The following CHN1 variants were observed in gnomAD, a reference collection of about 807,000 sequenced individuals.
The protein encoded by CHN1 is chimerin 1.
CHN1 carries 37 observed loss-of-function variants against 59.5 expected under a neutral mutation model. The observed-to-expected ratio is 0.62, with a 90% confidence interval of 0.48 to 0.82. The LOEUF (loss-of-function observed/expected upper bound fraction) is 0.82, where lower values mean the gene tolerates loss of function less well. Ranked by LOEUF, CHN1 falls within the 40% of genes least tolerant of loss-of-function variation. CHN1 has a pLI of 0.00. For missense variants in CHN1, 469 were observed against 571.0 expected (o/e 0.82, Z 1.82); for synonymous variants, 206 against 200.4 (o/e 1.03, Z -0.24).
intron 3 of CHN1, among the ~76,000 whole-genome samples, chr2:174,926,366 T>C (rs1409137434): frequency 2.0e-5 from 3 of 152,032 alleles, no homozygotes; most frequent in African/African-American, 7.2e-5. Context: ...CACATCAAGC[T>C]GATGATTTTT....
chr2:174,870,301 T>C (rs6433507), intron 6 of CHN1, among the ~76,000 whole-genome samples: 4,490 of 152,248 alleles, frequency 0.029, 244 homozygotes, highest in African/African-American at 0.1. Context: ...CAATATAATG[T>C]CTACGTTTAA....
intron 1 of CHN1, among the ~76,000 whole-genome samples, chr2:174,952,443 C>A (rs891811369): frequency 1.3e-5 from 2 of 151,984 alleles, no homozygotes; most frequent in Non-Finnish European, 2.9e-5. Flanking sequence ...ATAAAAACAT[C>A]AAGGTTAACT....
intron 5 of CHN1, among the ~76,000 whole-genome samples, chr2:174,907,109 G>A (rs1688565613): frequency 2.0e-5 from 3 of 152,178 alleles, no homozygotes; most frequent in South Asian, 2.1e-4. Context: ...CAGACAACAC[G>A]GGAAGACATT....
chr2:174,837,639 T>A (rs1260317013), intron 7 of CHN1, among the ~76,000 whole-genome samples: 2 of 152,164 alleles, frequency 1.3e-5, no homozygotes, highest in Non-Finnish European at 2.9e-5. Flanking sequence ...CCTTTATAGT[T>A]TTCCTATTTT....
rs114761979 is a variant in CHN1 at position 174,971,381 on chromosome 2, T to C, written c.20-19179A>G. Among the ~76,000 whole-genome samples, 568 of 152,362 alleles carry C rather than the reference T, an allele frequency of 3.7e-3. 4 individuals are homozygous for C. Among genetic ancestry groups the C allele is most frequent in the African/African-American group, 0.013 (544 of 41,580 alleles). On this transcript the variant is annotated intron_variant, in intron 1 of 12. Coordinates refer to ENST00000409900, the MANE Select transcript of CHN1 (RefSeq NM_001822.7). ...TGTTAACATGTAAGGAGTTTATTTT[T>C]TAATTGATAATTTTTAAAAACTTCT...
chr2:174,989,814 T>C (rs1691477213), intron 1 of CHN1, among the ~76,000 whole-genome samples: 1 of 152,058 alleles, frequency 6.6e-6, no homozygotes, highest in Non-Finnish European at 1.5e-5. Context: ...GTTGCATGTT[T>C]ATCTTAAATG....
Position 175,005,154 on chromosome 2 carries a change from C to A in CHN1, c.-242G>T. 2.3e-6 allele frequency: 3 copies of A among 1,287,098 alleles called. No individual in the cohort carries two copies. Among genetic ancestry groups the A allele is most frequent in the Middle Eastern group, 3.0e-4 (1 of 3,294 alleles). The allele number at this position is 1,287,098 out of a possible 1,614,324, so 79.7% of individuals were successfully genotyped here. ...GGGAGCCCCGCTAGCTCTCCGCGAG[C>A]CGGCACTTGTCGCTGCCATCAGGCG... On this transcript the variant is annotated 5_prime_UTR_variant, in exon 1 of 13. Transcript: ENST00000409900.
At position 175,000,464 on chromosome 2, in the gene CHN1, G is replaced by A. The variant is rs149433651; in HGVS notation, c.19+4430C>T. ...GATTTTTTTTGTTTGTTTGTTTTGA[G>A]ACAAAATCTCGCTCTGTCTCCCAGG... On this transcript the variant is annotated intron_variant, in intron 1 of 12. Transcript: ENST00000409900. Among the ~76,000 whole-genome samples, 971 of 151,764 alleles carry A rather than the reference G, an allele frequency of 6.4e-3. 16 individuals carry two copies. Among genetic ancestry groups the A allele is most frequent in the African/African-American group, 0.022 (923 of 41,356 alleles).
In CHN1 at chr2:174,926,563, C is replaced by T. The variant is rs150494989; in HGVS notation, c.115-7998G>A. On this transcript the variant is annotated intron_variant, in intron 3 of 12. Transcript: ENST00000409900. ...CACAAGTACTGGACAAAGGACAGAA[C>T]TCCAAGTCAACCCTGTGCCAACCTG... is the stretch of plus-strand genomic sequence containing the variant. 3.7e-4 allele frequency among the ~76,000 whole-genome samples: 57 copies of T among 152,256 alleles called. No individual in the cohort carries two copies. The East Asian group carries it at 8.7e-3, about 23-fold the overall frequency.
intron 6 of CHN1, among the ~76,000 whole-genome samples, chr2:174,868,426 A>G (rs962224074): frequency 6.6e-6 from 1 of 152,230 alleles, no homozygotes; most frequent in African/African-American, 2.4e-5. Flanking sequence ...ATAGGTCACA[A>G]GAAGAGACTG....
intron 7 of CHN1, among the ~76,000 whole-genome samples, chr2:174,843,449 A>G (rs1169443114): frequency 6.6e-6 from 1 of 152,000 alleles, no homozygotes; most frequent in African/African-American, 2.4e-5. Flanking sequence ...ATATTGGCTA[A>G]GATGTTCTCA....
chr2:174,928,633 G>A (rs1001719261), intron 3 of CHN1, among the ~76,000 whole-genome samples: 4 of 152,122 alleles, frequency 2.6e-5, no homozygotes, highest in South Asian at 2.1e-4. Context: ...CTGAACCTTC[G>A]CTGGACAAGG....
At chr2:174,857,572 A>G (rs1686943630) in intron 6 of CHN1, among the ~76,000 whole-genome samples, 1 of 152,092 alleles carries the variant, frequency 6.6e-6, no homozygotes, top group African/African-American at 2.4e-5. Flanking sequence ...CTAATCTAAC[A>G]CTATCTAATG....
chr2:174,857,173 G>C (rs1219399164), intron 6 of CHN1, among the ~76,000 whole-genome samples: 1 of 152,142 alleles, frequency 6.6e-6, no homozygotes, highest in Admixed American at 6.6e-5. Context: ...AGTAGAGTGA[G>C]ATAAATTGAA....
Position 174,982,556 on chromosome 2 carries a change from A to G in CHN1, c.19+22338T>C, listed in dbSNP as rs989680309. Among the ~76,000 whole-genome samples, 8 of 152,294 alleles carry G rather than the reference A, an allele frequency of 5.3e-5. No homozygotes were observed. In the South Asian group the frequency reaches 1.7e-3, roughly 32 times the overall value. ...CATTTCTCTGATGGCCAGCAAATTC[A>G]CACTAATTTTTAACATAAAACATTT... On this transcript the variant is annotated intron_variant, in intron 1 of 12. Coordinates refer to ENST00000409900, the MANE Select transcript of CHN1 (RefSeq NM_001822.7).
intron 6 of CHN1, among the ~76,000 whole-genome samples, chr2:174,861,754 A>T (rs1687075790): frequency 6.6e-6 from 1 of 152,216 alleles, no homozygotes; most frequent in Admixed American, 6.5e-5. Flanking sequence ...TGAATTGAAA[A>T]CAATTGTTGT....
At chr2:174,847,395 AAAAG>A (rs140899106) in intron 6 of CHN1, 12,654 of 1,229,446 alleles carry the variant, frequency 0.01, 83 homozygotes, top group African/African-American at 0.026. Context: ...AACAGAAATA[AAAAG>A]AAAGAGTCGA....
chr2:174,896,151 A>G (rs1688212240), intron 5 of CHN1, among the ~76,000 whole-genome samples: 1 of 152,114 alleles, frequency 6.6e-6, no homozygotes, highest in South Asian at 2.1e-4. Context: ...TATAAGATCT[A>G]CATATGTTCA....
intron 1 of CHN1, among the ~76,000 whole-genome samples, chr2:174,977,556 C>A (rs1388827733): frequency 6.6e-6 from 1 of 152,172 alleles, no homozygotes. Context: ...CCTTGGGCAA[C>A]GCAATAAGAA....
Sources: allele counts gnomAD v4.1 joint callset (sites outside exome capture counted in the v4.1 genomes callset), GRCh38; gene constraint gnomAD v4.1.1; transcripts MANE v1.5; gene names NCBI Gene and HGNC (gene_info 2026-07-23, HGNC 2026-07-21).